Variants in NR3C2 observed in about 807,000 individuals in gnomAD.
NR3C2 encodes the protein mineralocorticoid receptor.
In NR3C2, 15 loss-of-function variants were observed where a neutral mutation model predicts 86.4. The observed-to-expected ratio is 0.17, with a 90% CI of 0.12 to 0.27. The LOEUF is 0.27. Among genes scored for constraint, NR3C2 ranks in the 10% least tolerant of loss-of-function variants. The pLI is 1.00. For synonymous variants in NR3C2, 458 were observed against 450.5 expected (o/e 1.02, Z -0.21); for missense variants, 960 against 1,195.6 (o/e 0.80, Z 2.91).
Position 148,187,032 on chromosome 4 carries a change from A to G in NR3C2, c.2014+7714T>C, listed in dbSNP as rs1480319624. Among the ~76,000 whole-genome samples the G allele has an allele frequency of 8.2e-4, 110 of 133,544 alleles. 1 individual carries two copies. The highest frequency in any genetic ancestry group is 1.4e-3 in the South Asian group (6 of 4,264). The allele number at this position is 133,544 out of a possible 152,430, so 87.6% of individuals were successfully genotyped here. Reference sequence around the variant, plus strand: ...TATATATATATATATATATATATATATATATATATATAAAGAAACTGTGAT... The same window carrying G: ...TATATATATATATATATATATATATGTATATATATATAAAGAAACTGTGAT... On this transcript the variant is annotated intron_variant, in intron 4 of 8. Transcript: ENST00000358102.
At chr4:148,165,028 C>A (rs528573748) in intron 4 of NR3C2, among the ~76,000 whole-genome samples, 24 of 152,234 alleles carry the variant, frequency 1.6e-4, no homozygotes, top group Admixed American at 4.6e-4. Context: ...AAATATGATA[C>A]ACAAAAATAA....
chr4:148,151,166 C>A (rs1267850516), intron 6 of NR3C2, among the ~76,000 whole-genome samples: 1 of 152,122 alleles, frequency 6.6e-6, no homozygotes, highest in South Asian at 2.1e-4. Context: ...CATTTTATGA[C>A]AAAAATTAAT....
intron 6 of NR3C2, among the ~76,000 whole-genome samples, chr4:148,136,691 G>C (rs1037707044): frequency 2.0e-5 from 3 of 151,974 alleles, no homozygotes; most frequent in Non-Finnish European, 4.4e-5. Flanking sequence ...TTGTTGTCCA[G>C]GCTGGAGTGC....
intron 2 of NR3C2, among the ~76,000 whole-genome samples, chr4:148,310,459 T>G (rs923247624): frequency 6.6e-6 from 1 of 152,210 alleles, no homozygotes; most frequent in Non-Finnish European, 1.5e-5. Context: ...TGCTGTCACA[T>G]GGACCTACAG....
chr4:148,366,545 A>T (rs1052460271), intron 2 of NR3C2, among the ~76,000 whole-genome samples: 1 of 148,932 alleles, frequency 6.7e-6, no homozygotes, highest in Non-Finnish European at 1.5e-5. Context: ...TCTAGAATTC[A>T]CTTATAAATT....
At chr4:148,113,931 T>C (rs1283547916) in intron 8 of NR3C2, among the ~76,000 whole-genome samples, 173 bp downstream of exon 8, 1 of 152,184 alleles carries the variant, frequency 6.6e-6, no homozygotes, top group Non-Finnish European at 1.5e-5. Context: ...CTATGTCTCA[T>C]TCCCTGGCTC....
intron 3 of NR3C2, among the ~76,000 whole-genome samples, chr4:148,211,153 G>T (rs750537085): frequency 6.6e-6 from 1 of 152,170 alleles, no homozygotes; most frequent in Admixed American, 6.5e-5. Flanking sequence ...CTAGTTAAAA[G>T]AATTCCAAAG....
chr4:148,205,317 T>C (rs1218870260), intron 3 of NR3C2, among the ~76,000 whole-genome samples: 2 of 152,230 alleles, frequency 1.3e-5, no homozygotes, highest in Non-Finnish European at 2.9e-5. Context: ...TTTGGGTCTA[T>C]AATGCTATAA....
At chr4:148,253,748 T>A (rs983871211) in intron 3 of NR3C2, among the ~76,000 whole-genome samples, 4 of 152,134 alleles carry the variant, frequency 2.6e-5, no homozygotes, top group African/African-American at 9.7e-5. Flanking sequence ...CCATAGCCAA[T>A]CACCTTTTCA....
At position 148,136,087 on chromosome 4, in the gene NR3C2, A is replaced by AAAAAAAC. The variant is rs1560940053; in HGVS notation, c.2511-15800_2511-15799insGTTTTTT. On this transcript the variant is annotated intron_variant, in intron 6 of 8. Coordinates refer to ENST00000358102, the MANE Select transcript of NR3C2 (RefSeq NM_000901.5). ...AAAAAAAAAAAAAAACAAAAAAAAAAAACACCACCAAAACCAACAAAAAAA... is the reference window on the plus strand; with the variant it reads ...AAAAAAAAAAAAAAACAAAAAAAAAAAAAAAACAACACCACCAAAACCAACAAAAAAA... 2.0e-4 allele frequency among the ~76,000 whole-genome samples: 16 copies of AAAAAAAC among 79,250 alleles called. 1 individual carries two copies. Among genetic ancestry groups the AAAAAAAC allele is most frequent in the African/African-American group, 6.6e-4 (15 of 22,858 alleles). The allele number at this position is 79,250 out of a possible 152,430, so 52.0% of individuals were successfully genotyped here. A position where few individuals can be genotyped will look rare whatever the true frequency, so the allele number is the denominator to read the frequency against.
intron 2 of NR3C2, among the ~76,000 whole-genome samples, chr4:148,387,199 C>T (rs897202031): frequency 1.1e-4 from 17 of 152,186 alleles, no homozygotes; most frequent in African/African-American, 3.6e-4. Flanking sequence ...GTACCTTTGA[C>T]TTTTCACTGA....
rs144480417 is a variant in NR3C2, at chr4:148,409,082, G to A, written c.1757+26022C>T. ...AATTTCTCATTATTCCCCTAGGATC[G>A]TTTCCTAGAAGTGGAGATATTGGGT... is the stretch of plus-strand genomic sequence containing the variant. On this transcript the variant is annotated intron_variant, in intron 2 of 8. Transcript: ENST00000358102. 8.5e-5 allele frequency among the ~76,000 whole-genome samples: 13 copies of A among 152,122 alleles called. No individual in the cohort carries two copies. In the East Asian group the frequency reaches 1.4e-3, roughly 16 times the overall value.
At chr4:148,443,880 C>T (rs1750473073), upstream of NR3C2, 1 of 540,244 alleles carries the variant, frequency 1.9e-6, no homozygotes, top group African/African-American at 2.0e-5. Flanking sequence ...AGGGCTGAGA[C>T]TTGAACTCTC....
intron 2 of NR3C2, among the ~76,000 whole-genome samples, chr4:148,313,760 T>C (rs1561035206): frequency 6.6e-6 from 1 of 152,220 alleles, no homozygotes; most frequent in Non-Finnish European, 1.5e-5. Flanking sequence ...ACAGCCTGGC[T>C]TTCTTCCTGC....
intron 8 of NR3C2, among the ~76,000 whole-genome samples, chr4:148,083,034 C>T (rs1032807332): frequency 7.2e-5 from 11 of 152,176 alleles, no homozygotes; most frequent in Admixed American, 5.2e-4. Flanking sequence ...TAGATTCCTC[C>T]TCTCTGGGCA....
chr4:148,126,365 G>T (rs573593687), intron 6 of NR3C2, among the ~76,000 whole-genome samples: 12 of 152,294 alleles, frequency 7.9e-5, no homozygotes, highest in Admixed American at 7.2e-4. Flanking sequence ...AGAGACCAAT[G>T]ATCATTTGGT....
In NR3C2 at chr4:148,436,090, C is replaced by T; in HGVS notation, c.771G>A (p.Val257=). 1 of 1,614,068 alleles carries T rather than the reference C, an allele frequency of 6.2e-7. No individual in the cohort carries two copies. The highest frequency in any genetic ancestry group is 1.1e-5 in the South Asian group (1 of 91,070). ...TTAACGGACTTGAGAGAGGAGAGCC[C>T]ACATTGCTAGCATGTGCAGGGCTGT... ...RSHSPAHASN[V]GSPLSSPLSS... The change falls in exon 2 of 9, where the codon GTG becomes GTA. Residue 257 remains valine (V), a synonymous_variant. Coordinates refer to ENST00000358102, the MANE Select transcript of NR3C2 (RefSeq NM_000901.5).
intron 4 of NR3C2, among the ~76,000 whole-genome samples, chr4:148,184,125 A>G (rs1735770311): frequency 6.6e-6 from 1 of 152,130 alleles, no homozygotes; most frequent in Non-Finnish European, 1.5e-5. Context: ...TTACTGACTG[A>G]GTTAATCCTT....
At chr4:148,230,945 G>A (rs1738429922) in intron 3 of NR3C2, among the ~76,000 whole-genome samples, 1 of 152,196 alleles carries the variant, frequency 6.6e-6, no homozygotes, top group African/African-American at 2.4e-5. Flanking sequence ...CTGAAAACAA[G>A]CTCTTGTAAT....
Sources: allele counts gnomAD v4.1 joint callset (sites outside exome capture counted in the v4.1 genomes callset), GRCh38; gene constraint gnomAD v4.1.1; transcripts MANE v1.5; gene names NCBI Gene and HGNC (gene_info 2026-07-23, HGNC 2026-07-21).